Variants in IWS1 observed in about 807,000 individuals in gnomAD.
IWS1 encodes the protein interacts with SUPT6H, CTD assembly factor 1, also known as protein IWS1 homolog.
Under a neutral mutation model 86.7 loss-of-function variants are expected in IWS1, and 27 were observed. That is an observed-to-expected ratio of 0.31 (90% CI 0.23 to 0.43). The LOEUF (loss-of-function observed/expected upper bound fraction) is 0.43. Among genes scored for constraint, IWS1 ranks in the 20% least tolerant of loss-of-function variants. The pLI is 1.00. For synonymous variants in IWS1, 313 were observed against 335.1 expected (o/e 0.93, Z 0.72); for missense variants, 827 against 1,000.8 (o/e 0.83, Z 2.34).
intron 1 of IWS1, among the ~76,000 whole-genome samples, chr2:127,525,310 T>C (rs1042207082): frequency 6.6e-6 from 1 of 152,206 alleles, no homozygotes; most frequent in African/African-American, 2.4e-5. Flanking sequence ...TTGCAGTCAT[T>C]AGAATTCACT....
Position 127,481,108 on chromosome 2 carries a change from C to G in IWS1, c.2396G>C (p.Arg799Thr), listed in dbSNP as rs781217062. Residue 799 changes from arginine (R) to threonine (T), a missense_variant, in exon 14 of 14, where the codon AGG becomes ACG. Arg to Thr is a moderately conservative substitution (Grantham distance 71, BLOSUM62 -1). Coordinates refer to ENST00000295321, the MANE Select transcript of IWS1 (RefSeq NM_017969.3). ...DKQMRKFTDIRKKSRSAHAVK... is the reference protein window; with the variant it reads ...DKQMRKFTDITKKSRSAHAVK... ...TGCGTGTGCAGATCTGCTTTTTTTC[C>G]TTATATCTGTGAACTTTCTCATCTG... 4 of 1,611,766 alleles carry G rather than the reference C, an allele frequency of 2.5e-6. No homozygotes were observed. In the South Asian group the frequency reaches 3.3e-5, roughly 13 times the overall value.
intron 13 of IWS1, among the ~76,000 whole-genome samples, chr2:127,485,403 G>A (rs1292918705): frequency 1.3e-5 from 2 of 152,152 alleles, no homozygotes; most frequent in Admixed American, 1.3e-4. Context: ...TTCCACTTCT[G>A]ACCACATTTT....
intron 10 of IWS1, among the ~76,000 whole-genome samples, chr2:127,491,609 A>T (rs183209529): frequency 3.3e-3 from 509 of 152,054 alleles, no homozygotes; most frequent in Admixed American, 6.0e-3. Flanking sequence ...ATGCCCGGCT[A>T]ATTTTTTGTA....
At chr2:127,500,293 G>A (rs1690732574) in intron 5 of IWS1, among the ~76,000 whole-genome samples, 3 of 152,266 alleles carry the variant, frequency 2.0e-5, no homozygotes, top group South Asian at 4.1e-4. Flanking sequence ...ATTATATAGA[G>A]ACTGTTCCCT....
intron 12 of IWS1, among the ~76,000 whole-genome samples, chr2:127,486,911 C>G (rs1689958817): frequency 6.6e-6 from 1 of 152,174 alleles, no homozygotes; most frequent in Non-Finnish European, 1.5e-5. Flanking sequence ...TGCATGAATC[C>G]TTTTCTCCTC....
At chr2:127,502,905 T>C (rs1305185184) in intron 4 of IWS1, 33 bp from the exon 5 acceptor site, 1 of 1,239,030 alleles carries the variant, frequency 8.1e-7, no homozygotes. Flanking sequence ...AACATTCATT[T>C]GCTTTATCCT....
chr2:127,493,963 G>A (rs934317483), intron 8 of IWS1, among the ~76,000 whole-genome samples: 2 of 152,042 alleles, frequency 1.3e-5, no homozygotes, highest in African/African-American at 4.8e-5. Flanking sequence ...TCCCCTGTTA[G>A]AATAGAGGGA....
chr2:127,526,368 G>A lies in IWS1; in HGVS notation c.-160C>T, dbSNP rs530368703. On this transcript the variant is annotated 5_prime_UTR_variant, in exon 1 of 14. Transcript: ENST00000295321. ...AGGGTAAGAAAGCGGTAGCGGCAAAGGCGAATTCTTTGACCTGGAAGCCCC... is the reference window on the plus strand; with the variant it reads ...AGGGTAAGAAAGCGGTAGCGGCAAAAGCGAATTCTTTGACCTGGAAGCCCC... 1,144 of 1,536,796 alleles carry A rather than the reference G, an allele frequency of 7.4e-4. 10 individuals are homozygous for A. In the South Asian group the frequency reaches 0.012, roughly 16 times the overall value.
chr2:127,519,037 A>T (rs1691938657), intron 2 of IWS1, among the ~76,000 whole-genome samples: 1 of 152,126 alleles, frequency 6.6e-6, no homozygotes, highest in Non-Finnish European at 1.5e-5. Flanking sequence ...AAAGATTTTG[A>T]TATTTTGTTC....
chr2:127,512,266 T>C (rs1199724478), intron 2 of IWS1, among the ~76,000 whole-genome samples: 1 of 152,210 alleles, frequency 6.6e-6, no homozygotes. Flanking sequence ...GCAAAAATAC[T>C]GTCTAAAAGA....
Position 127,526,188 on chromosome 2 carries a change from G to A in IWS1, c.21C>T (p.Ser7=), listed in dbSNP as rs1692402707. 2 of 1,597,250 alleles carry A rather than the reference G, an allele frequency of 1.3e-6. No homozygotes were observed. The highest frequency in any genetic ancestry group is 1.7e-6 in the Non-Finnish European group (2 of 1,172,388). Residue 7 remains serine (S), a synonymous_variant, in exon 1 of 14, where the codon AGC becomes AGT. Transcript: ENST00000295321. MDSEYY[S]GDQSDDGGAT... ...TCCCTGCCCCACCTGACTGGTCGCC[G>A]CTGTAATATTCCGAGTCCATGGCAG...
chr2:127,517,626 G>C (rs1163220835), intron 2 of IWS1, among the ~76,000 whole-genome samples: 1 of 152,226 alleles, frequency 6.6e-6, no homozygotes, highest in African/African-American at 2.4e-5. Flanking sequence ...CAGCTGGTAT[G>C]AATGTAAAAT....
chr2:127,492,655 T>C (rs1436445507), intron 9 of IWS1: 1 of 153,056 alleles, frequency 6.5e-6, no homozygotes, highest in Non-Finnish European at 1.5e-5. Context: ...AGGTTAGCAG[T>C]TTAATACAGG....
intron 13 of IWS1, 151 bp from the exon 14 acceptor site, chr2:127,481,326 C>T: frequency 1.6e-6 from 1 of 613,568 alleles, no homozygotes; most frequent in Non-Finnish European, 2.7e-6. Flanking sequence ...AACAACAAAG[C>T]AAGTATAGAT....
At chr2:127,483,386 G>T (rs1217986669) in intron 13 of IWS1, among the ~76,000 whole-genome samples, 1 of 152,038 alleles carries the variant, frequency 6.6e-6, no homozygotes, top group African/African-American at 2.4e-5. Flanking sequence ...ACGCTGGGAG[G>T]TCAAGGCCAG....
At chr2:127,515,205 AGG>A (rs1359344767) in intron 2 of IWS1, among the ~76,000 whole-genome samples, 2 of 152,176 alleles carry the variant, frequency 1.3e-5, no homozygotes, top group African/African-American at 2.4e-5. Context: ...TCTTCACCCA[AGG>A]GGTTAGTGGG....
chr2:127,485,419 T>G (rs960421343), intron 13 of IWS1, among the ~76,000 whole-genome samples: 1 of 152,202 alleles, frequency 6.6e-6, no homozygotes, highest in Non-Finnish European at 1.5e-5. Context: ...ATTTTGAGTA[T>G]GTGTTAATCA....
chr2:127,519,203 G>A (rs568680438), intron 2 of IWS1, among the ~76,000 whole-genome samples: 1 of 152,202 alleles, frequency 6.6e-6, no homozygotes, highest in African/African-American at 2.4e-5. Context: ...ATGACAGATG[G>A]ACAGAACAAG....
chr2:127,514,763 T>C (rs1374239964), intron 2 of IWS1: 2 of 152,494 alleles, frequency 1.3e-5, no homozygotes, highest in African/African-American at 4.8e-5. Context: ...CCTGGCTGTG[T>C]GCTGTAACCA....
Sources: allele counts gnomAD v4.1 joint callset (sites outside exome capture counted in the v4.1 genomes callset), GRCh38; gene constraint gnomAD v4.1.1; transcripts MANE v1.5; gene names NCBI Gene and HGNC (gene_info 2026-07-23, HGNC 2026-07-21).